PIEZO1: variants seen among roughly 807,000 people sequenced by gnomAD.
PIEZO1 encodes the protein piezo type mechanosensitive ion channel component 1 (Er blood group).
A neutral mutation model predicts 297.2 loss-of-function variants in PIEZO1; 296 were observed. The observed-to-expected ratio is 1.00, with a 90% CI of 0.91 to 1.10. PIEZO1 has a LOEUF of 1.10. Ranked by LOEUF, PIEZO1 falls within the 50% of genes least tolerant of loss-of-function variation. The pLI is 0.00. For synonymous variants in PIEZO1, 2,427 were observed against 1,507.5 expected (o/e 1.61, Z -14.13); for missense variants, 5,018 against 3,455.5 (o/e 1.45, Z -11.34).
At chr16:88,721,755 G>A in intron 37 of PIEZO1, 29 bp from the exon 38 acceptor site, 2 of 1,535,526 alleles carry the variant, frequency 1.3e-6, no homozygotes, top group Non-Finnish European at 1.8e-6. Flanking sequence ...AGCACGCGGG[G>A]AGGGTCACGG....
intron 1 of PIEZO1, among the ~76,000 whole-genome samples, chr16:88,769,765 G>A (rs1217547049): frequency 2.0e-5 from 3 of 152,084 alleles, no homozygotes; most frequent in East Asian, 1.9e-4. Flanking sequence ...TCTGGTGGGC[G>A]GAGCGTGGTG....
chr16:88,760,383 G>A (rs2142883765), intron 1 of PIEZO1, among the ~76,000 whole-genome samples: 1 of 152,366 alleles, frequency 6.6e-6, no homozygotes, highest in East Asian at 1.9e-4. Context: ...TCTCTGTCCA[G>A]CAATGAGAGA....
rs1308111372 is a variant in PIEZO1 at position 88,716,795 on chromosome 16, A to G, written c.6753+11T>C. On this transcript the variant is annotated intron_variant, in intron 46 of 50. Coordinates refer to ENST00000301015, the MANE Select transcript of PIEZO1 (RefSeq NM_001142864.4). ...CCCCACACCAGCTTTCACAGGGCAG[A>G]GGCCACTTACCGGCTGGGGGTCAAA... 11 of 1,549,844 alleles carry G rather than the reference A, an allele frequency of 7.1e-6. No individual in the cohort carries two copies. The Admixed American group carries it at 1.8e-4, about 25-fold the overall frequency.
At chr16:88,768,330 C>T (rs947026080) in intron 1 of PIEZO1, among the ~76,000 whole-genome samples, 2 of 152,174 alleles carry the variant, frequency 1.3e-5, no homozygotes, top group Non-Finnish European at 2.9e-5. Context: ...AGAAGCTCCC[C>T]GGGCCAGGAG....
intron 21 of PIEZO1, 36 bp downstream of exon 21, chr16:88,732,299 G>A: frequency 1.3e-6 from 2 of 1,520,906 alleles, no homozygotes; most frequent in Non-Finnish European, 1.8e-6. Flanking sequence ...CGAAGGCCAA[G>A]CCCTGCCCCA....
chr16:88,724,643 G>A (rs1053609867), intron 30 of PIEZO1, among the ~76,000 whole-genome samples: 4 of 152,070 alleles, frequency 2.6e-5, no homozygotes, highest in African/African-American at 9.7e-5. Context: ...GCAGTGAGCT[G>A]AGATCATGCC....
chr16:88,760,789 C>T (rs1175212636), intron 1 of PIEZO1, among the ~76,000 whole-genome samples: 3 of 152,234 alleles, frequency 2.0e-5, no homozygotes, highest in African/African-American at 4.8e-5. Flanking sequence ...AGGAGGTAAA[C>T]GGAATGTTCC....
chr16:88,738,360 G>GA lies in PIEZO1; in HGVS notation c.714dup (p.Pro239SerfsTer45). On this transcript the variant is annotated frameshift_variant, in exon 7 of 51. Coordinates refer to ENST00000301015, the MANE Select transcript of PIEZO1 (RefSeq NM_001142864.4). LOFTEE classifies it high-confidence loss of function. ...CTGCTGAAGCCCCGAGTGCTGATGGGAAAGTGGCAGGCCCACCAGGTGCAG... is the reference window on the plus strand; with the variant it reads ...CTGCTGAAGCCCCGAGTGCTGATGGGAAAAGTGGCAGGCCCACCAGGTGCAG... 1 of 1,535,894 alleles carries GA rather than the reference G, an allele frequency of 6.5e-7. No homozygotes were observed. The highest frequency in any genetic ancestry group is 8.7e-7 in the Non-Finnish European group (1 of 1,146,862).
chr16:88,730,458 C>T (rs1026547544), intron 22 of PIEZO1, among the ~76,000 whole-genome samples: 3 of 152,004 alleles, frequency 2.0e-5, no homozygotes, highest in African/African-American at 7.3e-5. Context: ...ATTAGCCGGG[C>T]CTGGTGGTGC....
rs1348336033 is a variant in PIEZO1 at position 88,721,299 on chromosome 16, T to TTCCACCTGAATGTGG, written c.5520_5534dup (p.Asp1840_Val1844dup). The TTCCACCTGAATGTGG allele has an allele frequency of 6.5e-7, 1 of 1,545,694 alleles. No homozygotes were observed. Among genetic ancestry groups the TTCCACCTGAATGTGG allele is most frequent in the Admixed American group, 2.0e-5 (1 of 50,998 alleles). The stretch of plus-strand genomic sequence containing the variant: ...TCCCGTCCGTGGGTCCGACCCTGGC[T>TTCCACCTGAATGTGG]TCCACCTGAATGTGGTCTTCGGTGG... On this transcript the variant is annotated inframe_insertion, in exon 39 of 51. Transcript: ENST00000301015.
At chr16:88,778,208 C>A in intron 1 of PIEZO1, among the ~76,000 whole-genome samples, 1 of 152,216 alleles carries the variant, frequency 6.6e-6, no homozygotes, top group East Asian at 1.9e-4. Context: ...CCCCTTCCTG[C>A]TTTTGGGGGT....
At position 88,742,420 on chromosome 16, in the gene PIEZO1, G is replaced by C. The variant is rs1235654061; in HGVS notation, c.163C>G (p.His55Asp). Residue 55 changes from histidine to aspartate, a missense_variant and splice_region_variant, in exon 3 of 51, where the codon CAC (histidine) becomes GAC (aspartate). His to Asp is a moderately conservative substitution (Grantham distance 81, BLOSUM62 -1). Transcript: ENST00000301015. Reference protein sequence around the residue: ...PGPTRCGLQGHTGRLLRALLG... With the variant: ...PGPTRCGLQGDTGRLLRALLG... ...AATGCCCGCAGGAGGCGGCCTGTGT[G>C]ACCTGCGGCAGAGCGAGTGGGTGAG... 1 of 1,534,586 alleles carries C rather than the reference G, an allele frequency of 6.5e-7. No homozygotes were observed. Among genetic ancestry groups the C allele is most frequent in the South Asian group, 1.2e-5 (1 of 83,952 alleles).
At chr16:88,742,012 A>C (rs774173362) in intron 4 of PIEZO1, 41 bp downstream of exon 4, 45 of 1,532,680 alleles carry the variant, frequency 2.9e-5, no homozygotes, top group Non-Finnish European at 3.8e-5. Flanking sequence ...TGAAATCCCC[A>C]AGGGAGGCTT....
chr16:88,753,029 G>T (rs1223714145), intron 1 of PIEZO1, among the ~76,000 whole-genome samples: 1 of 151,854 alleles, frequency 6.6e-6, no homozygotes, highest in African/African-American at 2.4e-5. Flanking sequence ...CAACAACACA[G>T]ACAAGGAAAA....
At chr16:88,748,129 T>C (rs551815117) in intron 2 of PIEZO1, among the ~76,000 whole-genome samples, 7 of 152,270 alleles carry the variant, frequency 4.6e-5, no homozygotes, top group African/African-American at 1.7e-4. Context: ...GGAAGGTCTC[T>C]TGCTGCCTAC....
intron 17 of PIEZO1, 54 bp from the exon 18 acceptor site, chr16:88,733,799 T>C: frequency 6.8e-7 from 1 of 1,479,708 alleles, no homozygotes; most frequent in Non-Finnish European, 9.0e-7. Flanking sequence ...CCGGGTCCCC[T>C]GTGAGGAAGA....
Position 88,734,386 on chromosome 16 carries a change from G to C in PIEZO1, c.2150C>G (p.Pro717Arg). The C allele has an allele frequency of 2.6e-6, 4 of 1,546,692 alleles. No homozygotes were observed. The highest frequency in any genetic ancestry group is 2.6e-6 in the Non-Finnish European group (3 of 1,144,868). The change falls in exon 16 of 51, where the codon CCT becomes CGT. Residue 717 changes from proline to arginine, a missense_variant. Transcript: ENST00000301015. ...QLTDMEHVSL[P>R]GTRLPRWAHR... ...AGCCCAGCGCGGGAGGCGCGTGCCA[G>C]GCAGGGACACGTGCTCCATGTCGGT...
At chr16:88,723,464 C>T in intron 31 of PIEZO1, 136 bp from the exon 32 acceptor site, 1 of 1,025,370 alleles carries the variant, frequency 9.8e-7, no homozygotes, top group East Asian at 2.6e-5. Flanking sequence ...TCCCTGAGCC[C>T]CTCCCGGATG....
rs2290901 is a variant in PIEZO1 at position 88,716,825 on chromosome 16, C to T, written c.6734G>A (p.Arg2245Gln). The change falls in exon 46 of 51, where the codon CGG (arginine) becomes CAG (glutamine). Residue 2245 changes from arginine to glutamine, a missense_variant. By Grantham distance (43) the Arg-to-Gln change is conservative (BLOSUM62 1). Transcript: ENST00000301015. The stretch of plus-strand genomic sequence containing the variant: ...ACTTACCGGCTGGGGGTCAAACTGC[C>T]GGGACAGCTCCTCATAGGCCTGGGC... ...FTAQAYEELS[R>Q]QFDPQPLAMQ... is the part of the protein sequence containing the mutation. 2.3e-3 allele frequency: 3,541 copies of T among 1,550,066 alleles called. 52 individuals are homozygous for T. The African/African-American group carries it at 0.033, about 14-fold the overall frequency.
Sources: allele counts gnomAD v4.1 joint callset (sites outside exome capture counted in the v4.1 genomes callset), GRCh38; gene constraint gnomAD v4.1.1; transcripts MANE v1.5; gene names NCBI Gene and HGNC (gene_info 2026-07-23, HGNC 2026-07-21).